Variants in C14orf119 observed in about 807,000 individuals in gnomAD.
C14orf119 encodes the protein uncharacterized protein C14orf119.
A neutral mutation model predicts 13.5 loss-of-function variants in C14orf119; 17 were observed. The ratio of observed to expected loss-of-function variants is 1.26; its 90% CI spans 0.86 to 1.88. The LOEUF is 1.88. C14orf119 is among the 40% of genes most tolerant of loss of function. The pLI is 0.00. For synonymous variants in C14orf119, 61 were observed against 61.9 expected, an observed-to-expected ratio of 0.99 and a Z score of 0.07; for missense variants, 162 against 165.9, an observed-to-expected ratio of 0.98 and a Z score of 0.13.
chr14:23,097,616 T>C (rs761228921), intron 1 of C14orf119, 42 bp from the exon 2 acceptor site: 9 of 1,552,778 alleles, frequency 5.8e-6, no homozygotes, highest in Non-Finnish European at 7.1e-6. Flanking sequence ...GTATTTTCGT[T>C]GCTCTACCTG....
intron 1 of C14orf119, among the ~76,000 whole-genome samples, 172 bp from the exon 2 acceptor site, chr14:23,097,486 G>A (rs1237829187): frequency 6.6e-6 from 1 of 152,170 alleles, no homozygotes; most frequent in Non-Finnish European, 1.5e-5. Flanking sequence ...TTTTTCTAAG[G>A]TAGTTGGATA....
chr14:23,096,441 C>T (rs2048373201), intron 1 of C14orf119, among the ~76,000 whole-genome samples: 1 of 143,544 alleles, frequency 7.0e-6, no homozygotes, highest in Non-Finnish European at 1.5e-5. Context: ...ATCGCTTGAA[C>T]CCAGGAAGCA....
At position 23,099,697 on chromosome 14, in the gene C14orf119, CTACAGGCGCA is replaced by C. The variant is rs2048415066; in HGVS notation, c.*1617_*1626del. On this transcript the variant is annotated 3_prime_UTR_variant, in exon 2 of 2. Coordinates refer to ENST00000319074, the MANE Select transcript of C14orf119 (RefSeq NM_017924.4). ...GCCTCAACCTTCCGAATAGCTGGGA[CTACAGGCGCA>C]CGCCGCACCACCACGTCTGGCTAAG... The C allele has an allele frequency of 2.9e-6, 1 of 348,610 alleles. No homozygotes were observed. Among genetic ancestry groups the C allele is most frequent in the African/African-American group, 2.1e-5 (1 of 47,366 alleles). The allele number at this position is 348,610 out of a possible 1,614,324, so 21.6% of individuals were successfully genotyped here. A position where few individuals can be genotyped will look rare whatever the true frequency, so the allele number is the denominator to read the frequency against.
At position 23,099,712 on chromosome 14, in the gene C14orf119, GCAC is replaced by G. The variant is rs2048415350; in HGVS notation, c.*1638_*1640del. The stretch of plus-strand genomic sequence containing the variant: ...ATAGCTGGGACTACAGGCGCACGCC[GCAC>G]CACCACGTCTGGCTAAGGGGCTTTA... On this transcript the variant is annotated 3_prime_UTR_variant, in exon 2 of 2. Transcript: ENST00000319074. 3.1e-6 allele frequency: 1 copy of G among 326,634 alleles called. No individual in the cohort carries two copies. Among genetic ancestry groups the G allele is most frequent in the African/African-American group, 2.1e-5 (1 of 46,778 alleles). 20.2% of individuals were successfully genotyped at this position (326,634 alleles called of 1,614,324 possible). A position where few individuals can be genotyped will look rare whatever the true frequency, so the allele number is the denominator to read the frequency against.
chr14:23,096,990 A>G (rs1285387266), intron 1 of C14orf119, among the ~76,000 whole-genome samples: 1 of 152,192 alleles, frequency 6.6e-6, no homozygotes, highest in Non-Finnish European at 1.5e-5. Context: ...TTTTTTAAGA[A>G]CGTCTCAAAC....
chr14:23,097,004 C>T lies in C14orf119; in HGVS notation c.-1-654C>T, dbSNP rs191543604. ...CTTTTTTAAGAACGTCTCAAACACC[C>T]GGGCTTCTGGTTCTTTCATGCGTTA... On this transcript the variant is annotated intron_variant, in intron 1 of 1. Coordinates refer to ENST00000319074, the MANE Select transcript of C14orf119 (RefSeq NM_017924.4). 6.6e-5 allele frequency among the ~76,000 whole-genome samples: 10 copies of T among 152,254 alleles called. No homozygotes were observed. In the East Asian group the frequency reaches 1.2e-3, roughly 18 times the overall value.
At chr14:23,096,667 C>T (rs1342983704) in intron 1 of C14orf119, among the ~76,000 whole-genome samples, 2 of 151,948 alleles carry the variant, frequency 1.3e-5, no homozygotes, top group South Asian at 4.2e-4. Flanking sequence ...GCCTCAACCT[C>T]CCGGGCTCAG....
intron 1 of C14orf119, among the ~76,000 whole-genome samples, chr14:23,096,104 C>T (rs986643430): frequency 6.6e-6 from 1 of 152,174 alleles, no homozygotes; most frequent in Non-Finnish European, 1.5e-5. Flanking sequence ...GAAACACAAA[C>T]AGTAAAATAG....
In C14orf119 at chr14:23,098,984, A is replaced by G. The variant is rs1163681713; in HGVS notation, c.*903A>G. 9 of 218,448 alleles carry G rather than the reference A, an allele frequency of 4.1e-5. No homozygotes were observed. 13.5% of individuals were successfully genotyped at this position (218,448 alleles called of 1,614,324 possible). On this transcript the variant is annotated 3_prime_UTR_variant, in exon 2 of 2. Coordinates refer to ENST00000319074, the MANE Select transcript of C14orf119 (RefSeq NM_017924.4). ...CCTGGCCTTTTTCTAAGGCATATGT[A>G]TGTGATATTCTTGGAACTGGTAGCA...
At position 23,100,273 on chromosome 14, in the gene C14orf119, G is replaced by T. The variant is rs573889052; in HGVS notation, c.*2192G>T. ...CTGTCTCAAAAAAGAAGAAGAAAAA[G>T]GTGGGGGGAGGGGACTAAGATCCCT... On this transcript the variant is annotated 3_prime_UTR_variant, in exon 2 of 2. Coordinates refer to ENST00000319074, the MANE Select transcript of C14orf119 (RefSeq NM_017924.4). 2.0e-3 allele frequency: 753 copies of T among 376,122 alleles called. 7 individuals carry two copies. The highest frequency in any genetic ancestry group is 6.7e-3 in the Admixed American group (144 of 21,504). The allele number at this position is 376,122 out of a possible 1,614,324, so 23.3% of individuals were successfully genotyped here.
At chr14:23,096,735 C>T (rs1281141802) in intron 1 of C14orf119, among the ~76,000 whole-genome samples, 6 of 151,818 alleles carry the variant, frequency 4.0e-5, no homozygotes, top group Non-Finnish European at 8.8e-5. Context: ...CACCTCTACG[C>T]TCAACTAATT....
chr14:23,096,402 C>G (rs771303973), intron 1 of C14orf119, among the ~76,000 whole-genome samples: 1 of 151,282 alleles, frequency 6.6e-6, no homozygotes, highest in African/African-American at 2.4e-5. Context: ...GCCTATAGTC[C>G]CAGCTACTCG....
intron 1 of C14orf119, 58 bp from the exon 2 acceptor site, chr14:23,097,600 A>G: frequency 6.7e-7 from 1 of 1,488,920 alleles, no homozygotes; most frequent in Non-Finnish European, 9.3e-7. Flanking sequence ...TTGTTGCTTG[A>G]AAGTTGTATT....
chr14:23,096,508 CAAAAAAAAA>C (rs61586635), intron 1 of C14orf119, among the ~76,000 whole-genome samples: 49 of 62,640 alleles, frequency 7.8e-4, no homozygotes, highest in South Asian at 1.1e-3. Flanking sequence ...GACTCCGTCT[CAAAAAAAAA>C]AAAAAAAAAA....
intron 1 of C14orf119, among the ~76,000 whole-genome samples, chr14:23,097,242 G>A (rs992293353): frequency 2.0e-5 from 3 of 152,188 alleles, no homozygotes; most frequent in Admixed American, 6.5e-5. Flanking sequence ...CCAGCTGCAC[G>A]TACTAGATTT....
At position 23,098,930 on chromosome 14, in the gene C14orf119, T is replaced by A. The variant is rs1347748369; in HGVS notation, c.*849T>A. Reference sequence around the variant, plus strand: ...CCATTCTCACCTTGGCCTCCCAAAGTGCTGGGATTACAGGCATGAACCATC... The same window carrying A: ...CCATTCTCACCTTGGCCTCCCAAAGAGCTGGGATTACAGGCATGAACCATC... On this transcript the variant is annotated 3_prime_UTR_variant, in exon 2 of 2. Coordinates refer to ENST00000319074, the MANE Select transcript of C14orf119 (RefSeq NM_017924.4). 1 of 174,108 alleles carries A rather than the reference T, an allele frequency of 5.7e-6. No individual in the cohort carries two copies. 10.8% of individuals were successfully genotyped at this position (174,108 alleles called of 1,614,324 possible).
chr14:23,096,639 C>G (rs1413617097), intron 1 of C14orf119, among the ~76,000 whole-genome samples: 2 of 151,300 alleles, frequency 1.3e-5, no homozygotes, highest in African/African-American at 4.9e-5. Context: ...TGCAGTGGCG[C>G]GATCAGGGCT....
Position 23,095,539 on chromosome 14 carries a change from A to G in C14orf119, c.-82A>G. 2 of 500,612 alleles carry G rather than the reference A, an allele frequency of 4.0e-6. No individual in the cohort carries two copies. Among genetic ancestry groups the G allele is most frequent in the Middle Eastern group, 5.4e-4 (1 of 1,836 alleles). The allele number at this position is 500,612 out of a possible 1,614,324, so 31.0% of individuals were successfully genotyped here. A position where few individuals can be genotyped will look rare whatever the true frequency, so the allele number is the denominator to read the frequency against. On this transcript the variant is annotated 5_prime_UTR_variant, in exon 1 of 2. Transcript: ENST00000319074. ...CGGGCTGGCCCAGCTTAGGGTTTTC[A>G]GGAAATTTGGAAGCTGCCGCAGTAG...
At chr14:23,096,539 A>G (rs2048377052) in intron 1 of C14orf119, among the ~76,000 whole-genome samples, 1 of 147,874 alleles carries the variant, frequency 6.8e-6, no homozygotes. Context: ...AAAAAATTGC[A>G]AGGCACCAAT....
Sources: gnomAD v4.1 joint callset for allele counts (sites outside exome capture counted in the v4.1 genomes callset) on GRCh38, gnomAD v4.1.1 for gene constraint, MANE v1.5 for transcripts, NCBI Gene and HGNC (gene_info 2026-07-23, HGNC 2026-07-21) for gene names.